The following SLC9A9 variants were observed in gnomAD, a reference collection of about 807,000 sequenced individuals.
The protein encoded by SLC9A9 is sodium/hydrogen exchanger 9.
Under a neutral mutation model 77.8 loss-of-function variants are expected in SLC9A9, and 62 were observed. That is an observed-to-expected ratio of 0.80 (90% CI 0.65 to 0.98). SLC9A9 has a LOEUF of 0.98. SLC9A9 is among the 50% of genes least tolerant of loss of function. The pLI, the probability that SLC9A9 is intolerant of heterozygous loss-of-function variation, is 0.00. For missense variants in SLC9A9, 775 were observed against 774.9 expected, an observed-to-expected ratio of 1.00 and a Z score of 0.00; for synonymous variants, 320 against 283.5, an observed-to-expected ratio of 1.13 and a Z score of -1.29.
At chr3:143,371,694 T>C (rs2033062508) in intron 13 of SLC9A9, among the ~76,000 whole-genome samples, 1 of 152,020 alleles carries the variant, frequency 6.6e-6, no homozygotes. Flanking sequence ...GTAAATTGTA[T>C]TAAAAGAACA....
At chr3:143,482,052 C>A (rs1377424272) in intron 11 of SLC9A9, among the ~76,000 whole-genome samples, 1 of 152,162 alleles carries the variant, frequency 6.6e-6, no homozygotes, top group African/African-American at 2.4e-5. Flanking sequence ...AGGTGGTCTA[C>A]ACCTTGGCAG....
chr3:143,843,483 C>T (rs2009756148), intron 1 of SLC9A9, among the ~76,000 whole-genome samples: 1 of 152,302 alleles, frequency 6.6e-6, no homozygotes, highest in African/African-American at 2.4e-5. Flanking sequence ...TCTGAAAACG[C>T]TTTAATATGA....
intron 13 of SLC9A9, among the ~76,000 whole-genome samples, chr3:143,371,784 T>C (rs2033065209): frequency 6.6e-6 from 1 of 152,198 alleles, no homozygotes. Flanking sequence ...GCTGTAACTG[T>C]TCACTGAGGA....
At chr3:143,643,888 T>A (rs989417409) in intron 6 of SLC9A9, among the ~76,000 whole-genome samples, 3 of 151,682 alleles carry the variant, frequency 2.0e-5, no homozygotes, top group Non-Finnish European at 4.4e-5. Context: ...GATTGGCTTA[T>A]GGGTGATCTT....
intron 9 of SLC9A9, chr3:143,518,103 G>A (rs758657400): frequency 6.3e-5 from 100 of 1,585,830 alleles, no homozygotes; most frequent in Non-Finnish European, 7.7e-5. Flanking sequence ...GTAGCAGGTG[G>A]TACTTTACCT....
chr3:143,310,605 C>T (rs2030982265), intron 14 of SLC9A9, among the ~76,000 whole-genome samples: 1 of 151,854 alleles, frequency 6.6e-6, no homozygotes, highest in South Asian at 2.1e-4. Context: ...TGCTTCCTGC[C>T]CACTTTCCTA....
intron 4 of SLC9A9, among the ~76,000 whole-genome samples, chr3:143,715,693 G>T (rs16854180): frequency 6.6e-6 from 1 of 152,080 alleles, no homozygotes; most frequent in African/African-American, 2.4e-5. Flanking sequence ...AGTGGGGAGA[G>T]GAAGAATTAG....
At chr3:143,347,454 A>C (rs947938047) in intron 14 of SLC9A9, among the ~76,000 whole-genome samples, 1 of 152,220 alleles carries the variant, frequency 6.6e-6, no homozygotes, top group African/African-American at 2.4e-5. Flanking sequence ...TCTTCCCCCA[A>C]ACAGAATCTG....
At chr3:143,607,724 A>C (rs551038023) in intron 6 of SLC9A9, among the ~76,000 whole-genome samples, 1 of 152,104 alleles carries the variant, frequency 6.6e-6, no homozygotes, top group Admixed American at 6.5e-5. Context: ...AAACAAAATC[A>C]GGAAAGAGGA....
chr3:143,319,859 C>A (rs763172371), intron 14 of SLC9A9, among the ~76,000 whole-genome samples: 1 of 152,218 alleles, frequency 6.6e-6, no homozygotes, highest in Admixed American at 6.5e-5. Flanking sequence ...TCTGGTGGGA[C>A]TAGGGGTAAA....
chr3:143,457,286 G>A (rs1479781853), intron 12 of SLC9A9, among the ~76,000 whole-genome samples: 1 of 152,104 alleles, frequency 6.6e-6, no homozygotes, highest in Non-Finnish European at 1.5e-5. Context: ...CCAAAATGCT[G>A]GGATAACAAA....
intron 14 of SLC9A9, among the ~76,000 whole-genome samples, chr3:143,302,751 G>A (rs1412683693): frequency 2.0e-5 from 3 of 152,226 alleles, no homozygotes; most frequent in Admixed American, 2.0e-4. Flanking sequence ...TGCGTTTGAC[G>A]AGGAGTGACT....
chr3:143,641,836 C>T (rs1393233890), intron 6 of SLC9A9, among the ~76,000 whole-genome samples: 1 of 152,178 alleles, frequency 6.6e-6, no homozygotes, highest in Non-Finnish European at 1.5e-5. Context: ...ATTTCTCCCT[C>T]TATGACCTTT....
At chr3:143,686,001 C>G (rs908790054) in intron 5 of SLC9A9, among the ~76,000 whole-genome samples, 2 of 152,186 alleles carry the variant, frequency 1.3e-5, no homozygotes, top group Non-Finnish European at 2.9e-5. Context: ...CAGCTATGTA[C>G]TAGAAGTCCA....
chr3:143,391,544 C>G (rs528941840), intron 12 of SLC9A9, among the ~76,000 whole-genome samples: 1 of 152,322 alleles, frequency 6.6e-6, no homozygotes, highest in South Asian at 2.1e-4. Context: ...ATCAGAGCGC[C>G]TCTCCCCCTC....
At chr3:143,277,523 A>G (rs1270464059) in intron 14 of SLC9A9, among the ~76,000 whole-genome samples, 2 of 152,202 alleles carry the variant, frequency 1.3e-5, no homozygotes, top group Non-Finnish European at 2.9e-5. Flanking sequence ...TTTTACCACT[A>G]TTAGGTCTTT....
At chr3:143,785,175 G>C (rs937329015) in intron 4 of SLC9A9, among the ~76,000 whole-genome samples, 4 of 152,166 alleles carry the variant, frequency 2.6e-5, no homozygotes, top group Non-Finnish European at 5.9e-5. Context: ...TTCCCAGCAA[G>C]AGGTGAAGCC....
intron 4 of SLC9A9, among the ~76,000 whole-genome samples, chr3:143,698,716 A>G (rs915196153): frequency 1.1e-4 from 16 of 152,322 alleles, no homozygotes; most frequent in African/African-American, 3.1e-4. Flanking sequence ...TTTTTTAAAA[A>G]TAACCTTCAC....
At chr3:143,426,137 CAA>C (rs2034401011) in intron 12 of SLC9A9, among the ~76,000 whole-genome samples, 1 of 152,142 alleles carries the variant, frequency 6.6e-6, no homozygotes, top group South Asian at 2.1e-4. Flanking sequence ...CTTGCTGAGA[CAA>C]GAGGCAATTT....
Sources: gnomAD v4.1 joint callset for allele counts (sites outside exome capture counted in the v4.1 genomes callset) on GRCh38, gnomAD v4.1.1 for gene constraint, MANE v1.5 for transcripts, NCBI Gene and HGNC (gene_info 2026-07-23, HGNC 2026-07-21) for gene names.